The following UQCRC1 variants were observed in gnomAD, a reference collection of about 807,000 sequenced individuals.
UQCRC1 encodes cytochrome b-c1 complex subunit 1, mitochondrial.
UQCRC1 carries 34 observed loss-of-function variants against 58.0 expected under a neutral mutation model. The observed-to-expected ratio is 0.59, with a 90% CI of 0.45 to 0.78. UQCRC1 has a LOEUF of 0.78. UQCRC1 is among the 30% of genes least tolerant of loss of function. The probability of loss-of-function intolerance (pLI) is 0.00; values close to 1 mark genes in which losing one functional copy is unlikely to be tolerated. For missense variants in UQCRC1, 610 were observed against 646.0 expected (o/e 0.94, Z 0.60); for synonymous variants, 276 against 248.8 (o/e 1.11, Z -1.03).
chr3:48,600,545 T>C lies in UQCRC1; in HGVS notation c.1150A>G (p.Thr384Ala), dbSNP rs2046354870. ...TTGCCCCGGGCCACCTCACTCTCCGTGGCACTGGTACACAGGCGCATCCTA... is the reference window on the plus strand; with the variant it reads ...TTGCCCCGGGCCACCTCACTCTCCGCGGCACTGGTACACAGGCGCATCCTA... ...GQWMRLCTSA[T>A]ESEVARGKNI... Residue 384 changes from threonine to alanine, a missense_variant, in exon 10 of 13, where the codon ACG becomes GCG. Coordinates refer to ENST00000203407, the MANE Select transcript of UQCRC1 (RefSeq NM_003365.3). 1.9e-6 allele frequency: 3 copies of C among 1,613,992 alleles called. No individual in the cohort carries two copies. The highest frequency in any genetic ancestry group is 2.5e-6 in the Non-Finnish European group (3 of 1,180,034).
At chr3:48,599,302 C>G (rs2046339696) in intron 12 of UQCRC1, 110 bp from the exon 13 acceptor site, 1 of 1,261,226 alleles carries the variant, frequency 7.9e-7, no homozygotes, top group Non-Finnish European at 1.1e-6. Context: ...ACAAGACAGG[C>G]TTTGAGTGGA....
Position 48,599,212 on chromosome 3 carries a change from C to A in UQCRC1, c.1379-20G>T. The A allele has an allele frequency of 2.5e-6, 4 of 1,583,602 alleles. No individual in the cohort carries two copies. The highest frequency in any genetic ancestry group is 3.4e-6 in the Non-Finnish European group (4 of 1,161,062). ...TGGGGCCTGTGGGGATAGGGTGGAG[C>A]GTCAGGGTGGGGTACCTGGCCTGCA... On this transcript the variant is annotated intron_variant, in intron 12 of 12. Coordinates refer to ENST00000203407, the MANE Select transcript of UQCRC1 (RefSeq NM_003365.3).
chr3:48,607,897 T>C (rs777180826), intron 2 of UQCRC1, among the ~76,000 whole-genome samples: 94 of 152,064 alleles, frequency 6.2e-4, no homozygotes, highest in Non-Finnish European at 1.1e-3. Context: ...CCATCTCGGC[T>C]CACTGCAATC....
chr3:48,600,989 A>C lies in UQCRC1; in HGVS notation c.952T>G (p.Tyr318Asp). The stretch of plus-strand genomic sequence containing the variant: ...CTGGCACTCACCACGCCACCACCAT[A>C]AGTGCAGTCATAGTGGCCGATGATG... ...NAIIGHYDCTYGGGVHLSSPL... is the reference protein window; with the variant it reads ...NAIIGHYDCTDGGGVHLSSPL... Residue 318 changes from tyrosine (Y) to aspartate (D), a missense_variant, in exon 8 of 13, where the codon TAT (tyrosine) becomes GAT (aspartate). Tyr to Asp is a radical substitution (Grantham distance 160). Coordinates refer to ENST00000203407, the MANE Select transcript of UQCRC1 (RefSeq NM_003365.3). 1.2e-6 allele frequency: 2 copies of C among 1,605,054 alleles called. No individual in the cohort carries two copies. The highest frequency in any genetic ancestry group is 1.7e-6 in the Non-Finnish European group (2 of 1,172,776).
At chr3:48,600,868 C>T (rs1044117778) in intron 8 of UQCRC1, 28 bp from the exon 9 acceptor site, 6 of 1,613,202 alleles carry the variant, frequency 3.7e-6, no homozygotes, top group Non-Finnish European at 5.1e-6. Flanking sequence ...GGTCAGCACC[C>T]ACCCTCTTGT....
rs750191813 is a variant in UQCRC1 at position 48,600,161 on chromosome 3, T to G, written c.1214-10A>C. ...CACACAGGAGTAGTGCCTTTAAGGG[T>G]GAGAGAAGGCTCAGAGGTCCACCCA... is the stretch of plus-strand genomic sequence containing the variant. On this transcript the variant is annotated splice_polypyrimidine_tract_variant and intron_variant, in intron 10 of 12. Coordinates refer to ENST00000203407, the MANE Select transcript of UQCRC1 (RefSeq NM_003365.3). The G allele has an allele frequency of 3.7e-6, 6 of 1,613,624 alleles. No individual in the cohort carries two copies. Among genetic ancestry groups the G allele is most frequent in the Non-Finnish European group, 5.1e-6 (6 of 1,179,818 alleles).
At chr3:48,601,539 G>T in intron 6 of UQCRC1, 72 bp from the exon 7 acceptor site, 1 of 1,402,074 alleles carries the variant, frequency 7.1e-7, no homozygotes. Context: ...TCACAGACAG[G>T]CAGAGGACCC....
intron 2 of UQCRC1, among the ~76,000 whole-genome samples, chr3:48,607,983 G>C (rs1179855702): frequency 6.6e-6 from 1 of 152,112 alleles, no homozygotes; most frequent in Non-Finnish European, 1.5e-5. Context: ...TGCCATGCAT[G>C]GCTAATTTTT....
At chr3:48,605,929 G>A in intron 2 of UQCRC1, 73 bp from the exon 3 acceptor site, 1 of 1,446,084 alleles carries the variant, frequency 6.9e-7, no homozygotes, top group Non-Finnish European at 9.6e-7. Flanking sequence ...CCACCTGAGT[G>A]ACTCAGTACA....
intron 7 of UQCRC1, 68 bp downstream of exon 7, chr3:48,601,284 A>G: frequency 1.3e-6 from 2 of 1,584,294 alleles, no homozygotes; most frequent in African/African-American, 2.7e-5. Flanking sequence ...CACCAGGATA[A>G]CCATGCACAT....
chr3:48,604,581 G>C, intron 4 of UQCRC1, 70 bp downstream of exon 4: 1 of 1,606,398 alleles, frequency 6.2e-7, no homozygotes, highest in Non-Finnish European at 8.5e-7. Context: ...TCTGTGGTCA[G>C]CCAGGGGCTC....
chr3:48,604,206 C>T (rs781346476), intron 5 of UQCRC1, 27 bp downstream of exon 5: 3 of 1,609,166 alleles, frequency 1.9e-6, no homozygotes, highest in South Asian at 1.1e-5. Flanking sequence ...GAGCAAGCAT[C>T]CCCCCACAAG....
chr3:48,606,309 A>C (rs1188972255), intron 2 of UQCRC1, among the ~76,000 whole-genome samples: 1 of 152,252 alleles, frequency 6.6e-6, no homozygotes, highest in Non-Finnish European at 1.5e-5. Context: ...CTATTGGTTT[A>C]GACTGTATAT....
Position 48,605,856 on chromosome 3 carries a change from C to T in UQCRC1, c.211G>A (p.Val71Met). The part of the protein sequence containing the change: ...SEQSSQPTCT[V>M]GVWIDVGSRF... ...CTGCCAACATCAATCCACACTCCCACCTGGTCAAGAAGCCACCAGAAAAGG... is the reference window on the plus strand; with the variant it reads ...CTGCCAACATCAATCCACACTCCCATCTGGTCAAGAAGCCACCAGAAAAGG... The change falls in exon 3 of 13, where the codon GTG becomes ATG. Residue 71 changes from valine (V) to methionine (M), a missense_variant and splice_region_variant. Val to Met is a conservative substitution (Grantham distance 21). Coordinates refer to ENST00000203407, the MANE Select transcript of UQCRC1 (RefSeq NM_003365.3). 2 of 1,613,692 alleles carry T rather than the reference C, an allele frequency of 1.2e-6. No individual in the cohort carries two copies. The highest frequency in any genetic ancestry group is 1.7e-6 in the Non-Finnish European group (2 of 1,179,836).
At chr3:48,599,952 AC>A (rs2046348048) in intron 11 of UQCRC1, 110 bp downstream of exon 11, 1 of 1,352,864 alleles carries the variant, frequency 7.4e-7, no homozygotes, top group African/African-American at 1.4e-5. Context: ...GCTGCCTAGG[AC>A]ACCAGGGATG....
intron 6 of UQCRC1, among the ~76,000 whole-genome samples, 164 bp from the exon 7 acceptor site, chr3:48,601,631 C>T (rs1388245482): frequency 6.6e-6 from 1 of 152,190 alleles, no homozygotes; most frequent in Non-Finnish European, 1.5e-5. Flanking sequence ...TCAGACAGAC[C>T]CTGCCTTGTG....
At chr3:48,599,335 C>G (rs2046340169) in intron 12 of UQCRC1, 143 bp from the exon 13 acceptor site, 1 of 1,001,006 alleles carries the variant, frequency 1.0e-6, no homozygotes, top group African/African-American at 1.6e-5. Context: ...AACATTCCCC[C>G]AGGGGTGCTG....
intron 3 of UQCRC1, 23 bp downstream of exon 3, chr3:48,605,747 G>T (rs1455842527): frequency 1.2e-6 from 2 of 1,611,326 alleles, no homozygotes; most frequent in Non-Finnish European, 1.7e-6. Context: ...AAGCCCAGAG[G>T]AGACAGACTT....
At chr3:48,600,248 C>T in intron 10 of UQCRC1, 97 bp from the exon 11 acceptor site, 1 of 1,368,516 alleles carries the variant, frequency 7.3e-7, no homozygotes, top group Non-Finnish European at 1.0e-6. Flanking sequence ...AAGGACCTCC[C>T]TGACCTCATG....
Sources: allele counts gnomAD v4.1 joint callset (sites outside exome capture counted in the v4.1 genomes callset), GRCh38; gene constraint gnomAD v4.1.1; transcripts MANE v1.5; gene names NCBI Gene and HGNC (gene_info 2026-07-23, HGNC 2026-07-21).